CNTN5: variants seen among roughly 807,000 people sequenced by gnomAD.
CNTN5 encodes the protein contactin-5.
In CNTN5, 77 loss-of-function variants were observed where a neutral mutation model predicts 129.1. The observed-to-expected ratio is 0.60, with a 90% confidence interval of 0.50 to 0.72. The LOEUF is 0.72. Ranked by LOEUF, CNTN5 falls within the 30% of genes least tolerant of loss-of-function variation. The pLI is 0.00. For missense variants in CNTN5, 1,478 were observed against 1,328.8 expected, an observed-to-expected ratio of 1.11 and a Z score of -1.75; for synonymous variants, 509 against 465.6, an observed-to-expected ratio of 1.09 and a Z score of -1.20.
chr11:100,329,890 A>C (rs1951869087), intron 21 of CNTN5, among the ~76,000 whole-genome samples: 1 of 152,178 alleles, frequency 6.6e-6, no homozygotes, highest in Non-Finnish European at 1.5e-5. Flanking sequence ...CCCGGAAAAA[A>C]CAATTCTGGT....
At chr11:99,710,374 CAT>C (rs1426489093) in intron 3 of CNTN5, among the ~76,000 whole-genome samples, 3 of 151,806 alleles carry the variant, frequency 2.0e-5, no homozygotes, top group African/African-American at 7.2e-5. Context: ...TAAATAATCT[CAT>C]AAAACTACTA....
chr11:99,836,829 G>A (rs545881120), intron 4 of CNTN5, among the ~76,000 whole-genome samples: 2 of 152,238 alleles, frequency 1.3e-5, no homozygotes, highest in East Asian at 1.9e-4. Flanking sequence ...TTTAATGATT[G>A]CCATTCTAAC....
intron 1 of CNTN5, among the ~76,000 whole-genome samples, chr11:99,025,960 A>T (rs978868654): frequency 3.3e-5 from 5 of 151,728 alleles, no homozygotes; most frequent in African/African-American, 9.7e-5. Context: ...TTTCAGTTAC[A>T]TGCAAGAACT....
chr11:99,667,195 T>G (rs1952828125), intron 3 of CNTN5, among the ~76,000 whole-genome samples: 1 of 152,116 alleles, frequency 6.6e-6, no homozygotes, highest in Non-Finnish European at 1.5e-5. Context: ...TATGATAATA[T>G]TTTTAATTGT....
chr11:99,566,564 A>T (rs1219741091), intron 3 of CNTN5, among the ~76,000 whole-genome samples: 3 of 152,182 alleles, frequency 2.0e-5, no homozygotes, highest in Admixed American at 2.0e-4. Flanking sequence ...GTTTAGTTAA[A>T]CTAAAAAATA....
At position 99,041,244 on chromosome 11, in the gene CNTN5, G is replaced by A. The variant is rs11218159; in HGVS notation, c.-210+19974G>A. Among the ~76,000 whole-genome samples, 876 of 152,088 alleles carry A rather than the reference G, an allele frequency of 5.8e-3. 9 individuals carry two copies. The highest frequency in any genetic ancestry group is 0.02 in the African/African-American group (812 of 41,510). On this transcript the variant is annotated intron_variant, in intron 1 of 24. Transcript: ENST00000524871. ...ACACTTTCTTTCCACATCTGCTTTTGTTCAATCATTTATTCTCTCCTCAAG... is the reference window on the plus strand; with the variant it reads ...ACACTTTCTTTCCACATCTGCTTTTATTCAATCATTTATTCTCTCCTCAAG...
At chr11:99,941,011 A>C (rs1372576511) in intron 7 of CNTN5, among the ~76,000 whole-genome samples, 2 of 152,256 alleles carry the variant, frequency 1.3e-5, no homozygotes, top group Non-Finnish European at 2.9e-5. Context: ...GTAGGGAAAA[A>C]CATTGGGACA....
chr11:100,298,823 C>A (rs999804370), intron 19 of CNTN5, among the ~76,000 whole-genome samples: 9 of 151,304 alleles, frequency 5.9e-5, no homozygotes, highest in African/African-American at 1.9e-4. Flanking sequence ...TCCCGACCAC[C>A]AGACCATAGG....
intron 18 of CNTN5, among the ~76,000 whole-genome samples, chr11:100,283,300 G>A (rs974757635): frequency 6.6e-6 from 1 of 152,132 alleles, no homozygotes; most frequent in Non-Finnish European, 1.5e-5. Flanking sequence ...TGGTATCCAA[G>A]AAGCAAGAAA....
intron 1 of CNTN5, among the ~76,000 whole-genome samples, chr11:99,104,054 A>G (rs1036017707): frequency 6.6e-5 from 10 of 152,216 alleles, no homozygotes; most frequent in Admixed American, 2.0e-4. Context: ...AAGCTGATAT[A>G]TGTAGTTTGA....
intron 9 of CNTN5, among the ~76,000 whole-genome samples, chr11:100,047,984 A>G (rs1433181977): frequency 2.0e-5 from 3 of 152,136 alleles, no homozygotes; most frequent in Non-Finnish European, 4.4e-5. Flanking sequence ...ACAAAAAATT[A>G]GCCCAGCGTG....
intron 17 of CNTN5, among the ~76,000 whole-genome samples, chr11:100,257,371 T>A (rs1253546786): frequency 6.6e-6 from 1 of 152,050 alleles, no homozygotes; most frequent in Non-Finnish European, 1.5e-5. Flanking sequence ...TCATCAGACT[T>A]AAACGTTCCC....
In CNTN5 at chr11:99,488,921, A is replaced by T. The variant is rs117535188; in HGVS notation, c.-70-67224A>T. Among the ~76,000 whole-genome samples, 847 of 143,660 alleles carry T rather than the reference A, an allele frequency of 5.9e-3. 35 individuals carry two copies. The East Asian group carries it at 0.099, about 17-fold the overall frequency. The allele number at this position is 143,660 out of a possible 152,430, so 94.2% of individuals were successfully genotyped here. A position where few individuals can be genotyped will look rare whatever the true frequency, so the allele number is the denominator to read the frequency against. On this transcript the variant is annotated intron_variant, in intron 2 of 24. Coordinates refer to ENST00000524871, the MANE Select transcript of CNTN5 (RefSeq NM_014361.4). The stretch of plus-strand genomic sequence containing the variant: ...ATACTAGAAGTCTTGTTTTAGCATG[A>T]AAAGCAAACAGAAAGTATTAGACTA...
intron 16 of CNTN5, among the ~76,000 whole-genome samples, chr11:100,253,259 T>G (rs1950006135): frequency 6.6e-6 from 1 of 152,190 alleles, no homozygotes; most frequent in Non-Finnish European, 1.5e-5. Context: ...AATTAGGATT[T>G]ACAATCACAT....
chr11:99,111,155 C>A (rs1236808700), intron 1 of CNTN5, among the ~76,000 whole-genome samples: 1 of 152,046 alleles, frequency 6.6e-6, no homozygotes, highest in East Asian at 1.9e-4. Context: ...TCAATAATTT[C>A]AATATGGTGA....
intron 3 of CNTN5, among the ~76,000 whole-genome samples, chr11:99,572,527 A>G (rs1350423458): frequency 1.3e-5 from 2 of 152,156 alleles, no homozygotes; most frequent in East Asian, 1.9e-4. Context: ...AATTGGCACT[A>G]TCATAAGAGT....
At chr11:99,692,376 T>C (rs1954075315) in intron 3 of CNTN5, among the ~76,000 whole-genome samples, 1 of 152,150 alleles carries the variant, frequency 6.6e-6, no homozygotes, top group South Asian at 2.1e-4. Flanking sequence ...TGGCTGGTAA[T>C]GGTTTTTCTT....
At position 99,582,542 on chromosome 11, in the gene CNTN5, T is replaced by C. The variant is rs186411071; in HGVS notation, c.55+26273T>C. Among the ~76,000 whole-genome samples the C allele has an allele frequency of 5.2e-4, 79 of 152,314 alleles. 2 individuals carry two copies. Among genetic ancestry groups the C allele is most frequent in the African/African-American group, 1.6e-3 (65 of 41,574 alleles). The stretch of plus-strand genomic sequence containing the variant: ...GTTCATTTCTTTTTATTCTTTTTTC[T>C]CTCAACTTCTCTTCATGCTTCATTT... On this transcript the variant is annotated intron_variant, in intron 3 of 24. Coordinates refer to ENST00000524871, the MANE Select transcript of CNTN5 (RefSeq NM_014361.4).
intron 1 of CNTN5, among the ~76,000 whole-genome samples, chr11:99,069,743 T>G (rs1325610685): frequency 6.6e-6 from 1 of 152,198 alleles, no homozygotes; most frequent in African/African-American, 2.4e-5. Flanking sequence ...GGCCTGTTGC[T>G]TTTACATACC....
Sources: gnomAD v4.1 joint callset for allele counts (sites outside exome capture counted in the v4.1 genomes callset) on GRCh38, gnomAD v4.1.1 for gene constraint, MANE v1.5 for transcripts, NCBI Gene and HGNC (gene_info 2026-07-23, HGNC 2026-07-21) for gene names.